Variants in COMMD1 observed in about 807,000 individuals in gnomAD.
COMMD1 encodes the protein COMM domain-containing protein 1.
COMMD1 carries 10 observed loss-of-function variants against 17.2 expected under a neutral mutation model. The observed-to-expected ratio is 0.58, with a 90% CI of 0.36 to 0.99. COMMD1 has a LOEUF of 0.99. Among genes scored for constraint, COMMD1 ranks in the 50% least tolerant of loss-of-function variants. The probability of loss-of-function intolerance (pLI) is 0.01; values close to 1 mark genes in which losing one functional copy is unlikely to be tolerated. For missense variants in COMMD1, 270 were observed against 231.8 expected (o/e 1.17, Z -1.07); for synonymous variants, 97 against 91.6 (o/e 1.06, Z -0.34).
At chr2:62,035,331 G>A (rs1223329986) in intron 2 of COMMD1, among the ~76,000 whole-genome samples, 1 of 152,210 alleles carries the variant, frequency 6.6e-6, no homozygotes, top group African/African-American at 2.4e-5. Context: ...AAACTGCTCA[G>A]GCAATTGAAA....
intron 1 of COMMD1, among the ~76,000 whole-genome samples, chr2:61,952,231 G>A (rs1671075989): frequency 1.3e-5 from 2 of 152,170 alleles, no homozygotes; most frequent in African/African-American, 2.4e-5. Flanking sequence ...CCCCTTCCTT[G>A]TTCAGGGACC....
At chr2:61,988,278 G>A (rs1477735909) in intron 1 of COMMD1, among the ~76,000 whole-genome samples, 1 of 151,908 alleles carries the variant, frequency 6.6e-6, no homozygotes, top group Admixed American at 6.6e-5. Flanking sequence ...CACACCTGAA[G>A]CCAGCATGTT....
chr2:61,934,473 A>G (rs752590439), intron 1 of COMMD1, among the ~76,000 whole-genome samples: 1 of 152,170 alleles, frequency 6.6e-6, no homozygotes, highest in Non-Finnish European at 1.5e-5. Context: ...CTGTGATCCC[A>G]GCGCTTGGGG....
At chr2:62,002,278 G>A (rs1337258990) in intron 2 of COMMD1, among the ~76,000 whole-genome samples, 1 of 151,764 alleles carries the variant, frequency 6.6e-6, no homozygotes, top group Non-Finnish European at 1.5e-5. Flanking sequence ...ATCACCTGAG[G>A]TCAGGACTTT....
At position 62,000,907 on chromosome 2, in the gene COMMD1, G is replaced by A. The variant is rs1259623476; in HGVS notation, c.387G>A (p.Lys129=). 6.2e-7 allele frequency: 1 copy of A among 1,614,120 alleles called. No individual in the cohort carries two copies. The highest frequency in any genetic ancestry group is 8.5e-7 in the Non-Finnish European group (1 of 1,179,980). ...GCCTGAGCTGGAGAGTTGATGGCAA[G>A]TCTCAGTCAAGGCACTCAGCTCAAA... The part of the protein sequence containing the change: ...LRGLSWRVDG[K]SQSRHSAQIH... Residue 129 remains lysine, a synonymous_variant, in exon 2 of 3, where the codon AAG becomes AAA. Transcript: ENST00000311832.
chr2:61,980,643 A>G (rs1015815115), intron 1 of COMMD1, among the ~76,000 whole-genome samples: 12 of 142,384 alleles, frequency 8.4e-5, no homozygotes, highest in Admixed American at 5.7e-4. Flanking sequence ...TAGATTCTGG[A>G]TATTAGCCCT....
chr2:61,965,853 A>G lies in COMMD1; in HGVS notation c.181-34848A>G, dbSNP rs1456023309. Among the ~76,000 whole-genome samples, 50 of 151,864 alleles carry G rather than the reference A, an allele frequency of 3.3e-4. 1 individual carries two copies. The highest frequency in any genetic ancestry group is 3.3e-3 in the Admixed American group (50 of 15,242). ...TTTTAAGGAAAAAACTTTTTAAAGG[A>G]TTTTCAGACGTACACAAAAGTATTA... On this transcript the variant is annotated intron_variant, in intron 1 of 2. Coordinates refer to ENST00000311832, the MANE Select transcript of COMMD1 (RefSeq NM_152516.4).
chr2:61,892,161 A>C (rs1332175146), intron 1 of COMMD1, among the ~76,000 whole-genome samples: 1 of 151,930 alleles, frequency 6.6e-6, no homozygotes, highest in East Asian at 2.0e-4. Flanking sequence ...ATACTTTCCA[A>C]AACAAAACAA....
At chr2:62,010,795 A>G (rs1216742764) in intron 2 of COMMD1, among the ~76,000 whole-genome samples, 1 of 152,130 alleles carries the variant, frequency 6.6e-6, no homozygotes, top group Non-Finnish European at 1.5e-5. Context: ...TTAGATCACC[A>G]TCACCTCTCT....
At chr2:62,078,050 C>T (rs552042844) in intron 2 of COMMD1, among the ~76,000 whole-genome samples, 1 of 150,972 alleles carries the variant, frequency 6.6e-6, no homozygotes, top group Admixed American at 6.6e-5. Context: ...CCGAAGCAGG[C>T]GGATCACGAG....
intron 1 of COMMD1, among the ~76,000 whole-genome samples, chr2:61,920,965 G>A (rs974041851): frequency 9.0e-4 from 115 of 127,932 alleles, no homozygotes; most frequent in Non-Finnish European, 1.5e-3. Flanking sequence ...ATATATGTGT[G>A]TATATATATA....
intron 2 of COMMD1, among the ~76,000 whole-genome samples, chr2:62,025,684 T>C (rs1669735694): frequency 6.6e-6 from 1 of 152,110 alleles, no homozygotes; most frequent in Non-Finnish European, 1.5e-5. Flanking sequence ...TGTGTGTCTG[T>C]GTTTTAAATT....
At chr2:61,908,282 A>G (rs1669821988) in intron 1 of COMMD1, among the ~76,000 whole-genome samples, 1 of 145,570 alleles carries the variant, frequency 6.9e-6, no homozygotes, top group Non-Finnish European at 1.5e-5. Context: ...ACTGGAGTGC[A>G]GTGGCGCCAT....
intron 2 of COMMD1, among the ~76,000 whole-genome samples, chr2:62,097,530 A>G (rs1339131492): frequency 6.6e-6 from 1 of 152,174 alleles, no homozygotes; most frequent in Non-Finnish European, 1.5e-5. Context: ...GTAAGTCTGC[A>G]TCTCCCAAGT....
At chr2:62,108,719 T>C (rs1672379715) in intron 2 of COMMD1, among the ~76,000 whole-genome samples, 1 of 152,170 alleles carries the variant, frequency 6.6e-6, no homozygotes, top group African/African-American at 2.4e-5. Context: ...GTTTATCAAT[T>C]GCCTTCAGTT....
chr2:62,010,954 C>T (rs1395468285), intron 2 of COMMD1, among the ~76,000 whole-genome samples: 3 of 152,168 alleles, frequency 2.0e-5, no homozygotes, highest in Admixed American at 2.0e-4. Flanking sequence ...CTGTGTCAGT[C>T]AGATTAATAG....
intron 2 of COMMD1, among the ~76,000 whole-genome samples, chr2:62,007,734 A>G (rs1294465676): frequency 6.6e-6 from 1 of 152,200 alleles, no homozygotes; most frequent in Admixed American, 6.5e-5. Context: ...GGTTTGTGTA[A>G]GTACACTCTA....
intron 1 of COMMD1, among the ~76,000 whole-genome samples, chr2:61,942,686 C>T (rs1214173742): frequency 1.3e-5 from 2 of 151,638 alleles, no homozygotes; most frequent in Non-Finnish European, 2.9e-5. Flanking sequence ...ATTACAGGCA[C>T]ACATCATCAC....
chr2:61,989,365 C>T (rs572594634), intron 1 of COMMD1, among the ~76,000 whole-genome samples: 2 of 152,146 alleles, frequency 1.3e-5, no homozygotes, highest in East Asian at 3.9e-4. Flanking sequence ...ATGCATCTGG[C>T]ATATAGTATC....
Sources: allele counts gnomAD v4.1 joint callset (sites outside exome capture counted in the v4.1 genomes callset), GRCh38; gene constraint gnomAD v4.1.1; transcripts MANE v1.5; gene names NCBI Gene and HGNC (gene_info 2026-07-23, HGNC 2026-07-21).